RBFOX1: variants seen among roughly 807,000 people sequenced by gnomAD.
RBFOX1 encodes RNA binding fox-1 homolog 1, also known as RNA binding protein fox-1 homolog 1.
A neutral mutation model predicts 57.7 loss-of-function variants in RBFOX1; 8 were observed. That is an observed-to-expected ratio of 0.14 (90% confidence interval 0.08 to 0.25). The LOEUF (loss-of-function observed/expected upper bound fraction) is 0.25, where lower values mean the gene tolerates loss of function less well. Ranked by LOEUF, RBFOX1 falls within the 10% of genes least tolerant of loss-of-function variation. The probability of loss-of-function intolerance (pLI) is 1.00; values close to 1 mark genes in which losing one functional copy is unlikely to be tolerated. For missense variants in RBFOX1, 611 were observed against 548.5 expected, an observed-to-expected ratio of 1.11 and a Z score of -1.14; for synonymous variants, 326 against 222.4, an observed-to-expected ratio of 1.47 and a Z score of -4.15.
chr16:6,483,832 G>C, intron 2 of RBFOX1: 2 of 1,267,226 alleles, frequency 1.6e-6, no homozygotes, highest in South Asian at 2.2e-5. Context: ...TAGAATAGGG[G>C]ACTTGGCCGT....
rs572741246 is a variant in RBFOX1 at position 6,864,028 on chromosome 16, C to G, written c.-15-188029C>G. ...TTGTTGAGATTATGCCTTGCAAAAC[C>G]TCTAATTAACCTGCCTAGCAAAAGC... On this transcript the variant is annotated intron_variant, in intron 3 of 15. Transcript: ENST00000550418. 1.3e-4 allele frequency among the ~76,000 whole-genome samples: 20 copies of G among 148,910 alleles called. No individual in the cohort carries two copies. In the South Asian group the frequency reaches 3.8e-3, roughly 28 times the overall value.
At chr16:6,678,062 T>C (rs1168530538) in intron 3 of RBFOX1, among the ~76,000 whole-genome samples, 1 of 152,196 alleles carries the variant, frequency 6.6e-6, no homozygotes, top group Non-Finnish European at 1.5e-5. Flanking sequence ...CCTCATATAA[T>C]CTATTCATCC....
intron 3 of RBFOX1, among the ~76,000 whole-genome samples, chr16:6,940,848 AGTCTGTGTGTGT>A (rs1452418907): frequency 0.11 from 6,302 of 58,342 alleles, 267 homozygotes; most frequent in South Asian, 0.14. Flanking sequence ...ATGTCCGGCT[AGTCTGTGTGTGT>A]GTGTGTGTGT....
chr16:6,395,914 A>T (rs560619949), intron 2 of RBFOX1, among the ~76,000 whole-genome samples: 142 of 151,968 alleles, frequency 9.3e-4, no homozygotes, highest in Admixed American at 2.6e-3. Flanking sequence ...AAAATACAAA[A>T]AATTAGCTGG....
chr16:6,276,172 G>A (rs555757032), intron 1 of RBFOX1, among the ~76,000 whole-genome samples: 1 of 152,232 alleles, frequency 6.6e-6, no homozygotes, highest in East Asian at 1.9e-4. Context: ...TAGATAAACG[G>A]ATGACTCAAA....
At chr16:7,634,239 A>T (rs539927179) in intron 11 of RBFOX1, among the ~76,000 whole-genome samples, 1 of 152,196 alleles carries the variant, frequency 6.6e-6, no homozygotes, top group Non-Finnish European at 1.5e-5. Flanking sequence ...TCTGTTTAAC[A>T]GCTGTGCTCC....
At chr16:7,708,971 C>G (rs1168139340) in intron 14 of RBFOX1, 85 bp from the exon 15 acceptor site, 6 of 1,300,828 alleles carry the variant, frequency 4.6e-6, no homozygotes, top group Non-Finnish European at 6.7e-6. Flanking sequence ...CCCCTGCATA[C>G]TGTCTTGGTA....
At chr16:5,303,109 C>G (rs1377059684) in intron 1 of RBFOX1, among the ~76,000 whole-genome samples, 1 of 152,156 alleles carries the variant, frequency 6.6e-6, no homozygotes, top group South Asian at 2.1e-4. Flanking sequence ...AAACTTCAAG[C>G]TAGAAAATGA....
intron 5 of RBFOX1, among the ~76,000 whole-genome samples, chr16:7,526,468 T>C (rs1341164534): frequency 6.6e-6 from 1 of 152,204 alleles, no homozygotes; most frequent in African/African-American, 2.4e-5. Context: ...TTATTTTTTC[T>C]ATAACTCCCT....
intron 2 of RBFOX1, among the ~76,000 whole-genome samples, chr16:5,522,346 A>G (rs951632148): frequency 2.0e-5 from 3 of 152,242 alleles, no homozygotes; most frequent in Admixed American, 6.5e-5. Context: ...CGTTGCATAC[A>G]TACATAGGTC....
chr16:6,267,355 C>G (rs1482269494), intron 1 of RBFOX1, among the ~76,000 whole-genome samples: 1 of 152,194 alleles, frequency 6.6e-6, no homozygotes, highest in Non-Finnish European at 1.5e-5. Context: ...TGTTTGACCT[C>G]TCCTGATAAA....
intron 14 of RBFOX1, among the ~76,000 whole-genome samples, chr16:7,694,234 C>G (rs2078090167): frequency 6.6e-6 from 1 of 152,218 alleles, no homozygotes; most frequent in African/African-American, 2.4e-5. Flanking sequence ...CAACTTATCA[C>G]TACATAACTG....
intron 4 of RBFOX1, among the ~76,000 whole-genome samples, chr16:7,386,014 C>T (rs948415647): frequency 7.3e-5 from 11 of 151,442 alleles, no homozygotes; most frequent in African/African-American, 2.7e-4. Flanking sequence ...TGGTCTCGAA[C>T]TCCTGACCTC....
rs563793858 is a variant in RBFOX1 at position 6,625,858 on chromosome 16, C to T, written c.-63-28745C>T. Among the ~76,000 whole-genome samples the T allele has an allele frequency of 3.9e-5, 6 of 152,246 alleles. No homozygotes were observed. The East Asian group carries it at 1.2e-3, about 29-fold the overall frequency. On this transcript the variant is annotated intron_variant, in intron 2 of 15. Coordinates refer to ENST00000550418, the MANE Select transcript of RBFOX1 (RefSeq NM_018723.4). The stretch of plus-strand genomic sequence containing the variant: ...CATTTGCAGCATTTAATGATGTCTG[C>T]CATTGTTGTTGGGGATTCTTACATT...
intron 1 of RBFOX1, among the ~76,000 whole-genome samples, chr16:6,087,562 C>T (rs760428964): frequency 6.6e-6 from 1 of 152,064 alleles, no homozygotes; most frequent in Non-Finnish European, 1.5e-5. Context: ...CTATAAATGT[C>T]CTTCCGAAGT....
intron 3 of RBFOX1, among the ~76,000 whole-genome samples, chr16:7,008,527 A>C (rs1342327646): frequency 1.3e-5 from 2 of 152,044 alleles, no homozygotes; most frequent in Non-Finnish European, 2.9e-5. Context: ...GTGACAGGGC[A>C]AGACTTTGTC....
At chr16:6,936,665 A>T (rs1393444825) in intron 3 of RBFOX1, among the ~76,000 whole-genome samples, 1 of 152,124 alleles carries the variant, frequency 6.6e-6, no homozygotes, top group Non-Finnish European at 1.5e-5. Flanking sequence ...GCTATTTCAC[A>T]GATACAAAAC....
intron 4 of RBFOX1, among the ~76,000 whole-genome samples, chr16:7,339,989 C>G (rs1200213823): frequency 1.3e-5 from 2 of 151,594 alleles, no homozygotes; most frequent in African/African-American, 4.9e-5. Context: ...CATCTCATCT[C>G]CTTTTAGAAA....
chr16:6,651,712 G>T (rs575052935), intron 2 of RBFOX1, among the ~76,000 whole-genome samples: 5 of 152,122 alleles, frequency 3.3e-5, no homozygotes, highest in Admixed American at 6.5e-5. Flanking sequence ...CTGGGCATAC[G>T]CACAAAAGAC....
Sources: allele counts gnomAD v4.1 joint callset (sites outside exome capture counted in the v4.1 genomes callset), GRCh38; gene constraint gnomAD v4.1.1; transcripts MANE v1.5; gene names NCBI Gene and HGNC (gene_info 2026-07-23, HGNC 2026-07-21).